KALRN: variants seen among roughly 807,000 people sequenced by gnomAD.
KALRN encodes the protein kalirin RhoGEF kinase.
In KALRN, 70 loss-of-function variants were observed where a neutral mutation model predicts 353.7. The observed-to-expected ratio is 0.20, with a 90% CI of 0.16 to 0.24. The LOEUF is 0.24. KALRN is among the 10% of genes least tolerant of loss of function. The pLI is 1.00. For missense variants in KALRN, 2,791 were observed against 3,756.7 expected (o/e 0.74, Z 6.72); for synonymous variants, 1,391 against 1,434.8 (o/e 0.97, Z 0.69).
intron 1 of KALRN, among the ~76,000 whole-genome samples, chr3:124,156,215 C>G (rs1293120442): frequency 1.3e-5 from 2 of 152,230 alleles, no homozygotes; most frequent in Non-Finnish European, 2.9e-5. Context: ...CTGCTTCTCT[C>G]TCCTGGGGCT....
intron 34 of KALRN, among the ~76,000 whole-genome samples, chr3:124,577,150 G>GT (rs1214307323): frequency 1.3e-5 from 2 of 151,900 alleles, no homozygotes; most frequent in African/African-American, 4.8e-5. Flanking sequence ...TCTCAGTATG[G>GT]CCTGAACCAC....
At chr3:124,517,243 C>T (rs1434385112) in intron 33 of KALRN, among the ~76,000 whole-genome samples, 1 of 152,174 alleles carries the variant, frequency 6.6e-6, no homozygotes, top group African/African-American at 2.4e-5. Flanking sequence ...AATCTCATCT[C>T]CTCTCTGAAT....
intron 2 of KALRN, among the ~76,000 whole-genome samples, chr3:124,230,070 T>A (rs2078981318): frequency 6.6e-6 from 1 of 152,248 alleles, no homozygotes; most frequent in Non-Finnish European, 1.5e-5. Flanking sequence ...GCAGAAATCC[T>A]AGAGGCCACT....
intron 1 of KALRN, among the ~76,000 whole-genome samples, chr3:124,034,976 AG>A (rs2039280610): frequency 6.6e-6 from 1 of 151,914 alleles, no homozygotes; most frequent in Non-Finnish European, 1.5e-5. Context: ...TCTCTAGGGA[AG>A]GGGGTGGGGT....
At chr3:124,401,138 TA>T (rs1166403298) in intron 13 of KALRN, among the ~76,000 whole-genome samples, 1 of 152,188 alleles carries the variant, frequency 6.6e-6, no homozygotes, top group Non-Finnish European at 1.5e-5. Context: ...AAATATCCTT[TA>T]AAAAATGTGG....
At chr3:124,225,234 G>A (rs1267176415) in intron 1 of KALRN, among the ~76,000 whole-genome samples, 2 of 152,116 alleles carry the variant, frequency 1.3e-5, no homozygotes, top group East Asian at 3.8e-4. Context: ...GCTCTACTTG[G>A]CTTTACATAA....
At chr3:124,122,241 A>G (rs1043237422) in intron 1 of KALRN, among the ~76,000 whole-genome samples, 8 of 152,172 alleles carry the variant, frequency 5.3e-5, no homozygotes, top group Middle Eastern at 3.2e-3. Flanking sequence ...TGGAGGCTCA[A>G]TTCCACTCTG....
chr3:124,286,590 C>T (rs1303089438), intron 5 of KALRN, among the ~76,000 whole-genome samples: 1 of 152,120 alleles, frequency 6.6e-6, no homozygotes, highest in Non-Finnish European at 1.5e-5. Flanking sequence ...CAAGTTCATT[C>T]ATCCTGCTTG....
At chr3:124,216,696 T>C (rs2077369709) in intron 1 of KALRN, among the ~76,000 whole-genome samples, 1 of 152,220 alleles carries the variant, frequency 6.6e-6, no homozygotes, top group African/African-American at 2.4e-5. Flanking sequence ...CCTTCTTTCC[T>C]ATTTAGCACT....
At chr3:124,454,131 T>C (rs2059067513) in intron 21 of KALRN, among the ~76,000 whole-genome samples, 9 of 152,222 alleles carry the variant, frequency 5.9e-5, no homozygotes, top group Admixed American at 5.9e-4. Context: ...TTTCTCCTGC[T>C]CTCTAATGGA....
intron 34 of KALRN, among the ~76,000 whole-genome samples, chr3:124,568,283 A>G (rs2073093949): frequency 6.6e-6 from 1 of 152,238 alleles, no homozygotes; most frequent in Admixed American, 6.5e-5. Flanking sequence ...TAGGAAAATG[A>G]TAATCAAAAC....
chr3:124,227,950 C>G, intron 1 of KALRN, 40 bp from the exon 2 acceptor site: 1 of 1,543,300 alleles, frequency 6.5e-7, no homozygotes, highest in Non-Finnish European at 9.0e-7. Context: ...AGCCAGCTGG[C>G]TCCTCTCACC....
intron 18 of KALRN, among the ~76,000 whole-genome samples, chr3:124,440,314 A>G (rs936406563): frequency 6.6e-6 from 1 of 152,236 alleles, no homozygotes; most frequent in Non-Finnish European, 1.5e-5. Context: ...TATTGAAGAA[A>G]GAAATAGAAA....
At chr3:124,081,256 G>A (rs1276657830) in intron 1 of KALRN, among the ~76,000 whole-genome samples, 1 of 152,180 alleles carries the variant, frequency 6.6e-6, no homozygotes, top group African/African-American at 2.4e-5. Flanking sequence ...AATGAGCAAT[G>A]TGTTTATGTA....
chr3:124,087,963 C>T (rs1378921391), intron 1 of KALRN, among the ~76,000 whole-genome samples: 1 of 152,166 alleles, frequency 6.6e-6, no homozygotes, highest in Non-Finnish European at 1.5e-5. Context: ...TACTGTTGCT[C>T]AGACTCCTGT....
intron 37 of KALRN, among the ~76,000 whole-genome samples, chr3:124,639,022 T>C (rs2081701013): frequency 6.6e-6 from 1 of 152,234 alleles, no homozygotes; most frequent in Non-Finnish European, 1.5e-5. Flanking sequence ...TATTCTGATA[T>C]TTTTGTAGCC....
At chr3:124,669,964 T>C (rs2086185565) in intron 47 of KALRN, among the ~76,000 whole-genome samples, 1 of 69,258 alleles carries the variant, frequency 1.4e-5, no homozygotes, top group African/African-American at 8.3e-5. Context: ...ATATATTTTC[T>C]TTTTTTTTTT....
chr3:124,170,866 TTTTTGA>T, intron 1 of KALRN, among the ~76,000 whole-genome samples: 1 of 116,342 alleles, frequency 8.6e-6, no homozygotes, highest in African/African-American at 3.1e-5. Flanking sequence ...TTTTTTTTTT[TTTTTGA>T]GACATGGTCT....
chr3:124,515,652 A>G (rs544400587), intron 33 of KALRN, among the ~76,000 whole-genome samples: 76 of 152,334 alleles, frequency 5.0e-4, no homozygotes, highest in African/African-American at 1.8e-3. Flanking sequence ...TGGATATGAA[A>G]TGTATATGAA....
Sources: allele counts gnomAD v4.1 joint callset (sites outside exome capture counted in the v4.1 genomes callset), GRCh38; gene constraint gnomAD v4.1.1; transcripts MANE v1.5; gene names NCBI Gene and HGNC (gene_info 2026-07-23, HGNC 2026-07-21).